UTS2B: variants seen among roughly 807,000 people sequenced by gnomAD.
UTS2B encodes urotensin 2B, also known as urotensin-2B.
Under a neutral mutation model 19.2 loss-of-function variants are expected in UTS2B, and 21 were observed. The observed-to-expected ratio is 1.09, with a 90% CI of 0.78 to 1.58. UTS2B has a LOEUF of 1.58. Ranked by LOEUF, UTS2B falls within the 40% of genes most tolerant of loss-of-function variation. The pLI is 0.00. For missense variants in UTS2B, 138 were observed against 130.3 expected (o/e 1.06, Z -0.29); for synonymous variants, 57 against 50.2 (o/e 1.14, Z -0.58).
intron 2 of UTS2B, among the ~76,000 whole-genome samples, chr3:191,320,340 C>T (rs73888550): frequency 0.19 from 28,967 of 152,094 alleles, 3,033 homozygotes; most frequent in Non-Finnish European, 0.23. Context: ...CAAGACTATG[C>T]GTGGCTTATT....
At chr3:191,325,673 C>T (rs542363767) in intron 2 of UTS2B, among the ~76,000 whole-genome samples, 1 of 152,294 alleles carries the variant, frequency 6.6e-6, no homozygotes, top group Non-Finnish European at 1.5e-5. Context: ...TCCTAATAGT[C>T]TCTACTATGG....
chr3:191,339,180 G>C, the UTS2B span, among the ~76,000 whole-genome samples: 15 of 152,284 alleles, frequency 9.9e-5, no homozygotes, highest in African/African-American at 3.6e-4. Flanking sequence ...TTGAAAAGAG[G>C]AGAGAGCATG....
At chr3:191,289,301 C>T (rs962611906) in intron 4 of UTS2B, among the ~76,000 whole-genome samples, 6 of 151,620 alleles carry the variant, frequency 4.0e-5, no homozygotes, top group African/African-American at 1.2e-4. Flanking sequence ...CCCAGGTGCT[C>T]GGGAGGCTGA....
the UTS2B span, among the ~76,000 whole-genome samples, chr3:191,337,480 G>A: frequency 2.6e-5 from 4 of 151,770 alleles, no homozygotes; most frequent in East Asian, 1.9e-4. Context: ...GAGTAGCTGG[G>A]ATTACAGTTG....
At chr3:191,281,502 T>C (rs1716383891) in intron 5 of UTS2B, among the ~76,000 whole-genome samples, 1 of 151,646 alleles carries the variant, frequency 6.6e-6, no homozygotes, top group African/African-American at 2.4e-5. Context: ...AATTTTATCA[T>C]GGTGTATATT....
At chr3:191,341,655 G>C in the UTS2B span, among the ~76,000 whole-genome samples, 1 of 151,996 alleles carries the variant, frequency 6.6e-6, no homozygotes, top group South Asian at 2.1e-4. Flanking sequence ...CCTTTGTTGG[G>C]AATAGAGAAC....
chr3:191,268,366 C>T lies in UTS2B; in HGVS notation c.*50G>A, dbSNP rs2108563317. 2.8e-6 allele frequency: 4 copies of T among 1,405,368 alleles called. No homozygotes were observed. Among genetic ancestry groups the T allele is most frequent in the Non-Finnish European group, 4.0e-6 (4 of 1,011,020 alleles). The allele number at this position is 1,405,368 out of a possible 1,614,324, so 87.1% of individuals were successfully genotyped here. On this transcript the variant is annotated 3_prime_UTR_variant, in exon 9 of 9. Coordinates refer to ENST00000340524, the MANE Select transcript of UTS2B (RefSeq NM_198152.5). Reference sequence around the variant, plus strand: ...CTGCCTACAGCAGAGTGAGTAGATACATATATTTTCCTGATATTCTTATCT... The same window carrying T: ...CTGCCTACAGCAGAGTGAGTAGATATATATATTTTCCTGATATTCTTATCT...
chr3:191,336,618 A>AT, the UTS2B span, among the ~76,000 whole-genome samples: 1 of 152,140 alleles, frequency 6.6e-6, no homozygotes, highest in African/African-American at 2.4e-5. Context: ...CCTTAGTTCA[A>AT]TATCAGAATG....
rs941864022 is a variant in UTS2B, at chr3:191,298,799, T to A, written c.-125+5693A>T. ...AAACTTGGCACTTCATAGAGACTTG[T>A]TGAATGGTAATAACCAAAATCTTGA... On this transcript the variant is annotated intron_variant, in intron 4 of 8. Coordinates refer to ENST00000340524, the MANE Select transcript of UTS2B (RefSeq NM_198152.5). 4.6e-5 allele frequency among the ~76,000 whole-genome samples: 7 copies of A among 152,264 alleles called. No homozygotes were observed. In the East Asian group the frequency reaches 5.8e-4, roughly 13 times the overall value.
At chr3:191,338,155 C>T in the UTS2B span, among the ~76,000 whole-genome samples, 3 of 152,182 alleles carry the variant, frequency 2.0e-5, no homozygotes, top group East Asian at 5.8e-4. Context: ...TCCCTCTTCA[C>T]CGCTTCCCCA....
At position 191,278,177 on chromosome 3, in the gene UTS2B, T is replaced by A. The variant is rs778131254; in HGVS notation, c.104-7A>T. The A allele has an allele frequency of 6.9e-7, 1 of 1,455,782 alleles. No individual in the cohort carries two copies. Among genetic ancestry groups the A allele is most frequent in the Non-Finnish European group, 9.3e-7 (1 of 1,077,676 alleles). 90.2% of individuals were successfully genotyped at this position (1,455,782 alleles called of 1,614,324 possible). A position where few individuals can be genotyped will look rare whatever the true frequency, so the allele number is the denominator to read the frequency against. Reference sequence around the variant, plus strand: ...TCTGGAAATATTTCATTTCCTATAATGATCAAAAACCACCATTTTCAATTT... The same window carrying A: ...TCTGGAAATATTTCATTTCCTATAAAGATCAAAAACCACCATTTTCAATTT... On this transcript the variant is annotated splice_polypyrimidine_tract_variant and splice_region_variant and intron_variant, in intron 5 of 8. Coordinates refer to ENST00000340524, the MANE Select transcript of UTS2B (RefSeq NM_198152.5).
chr3:191,328,832 T>C (rs116610331), intron 1 of UTS2B, 123 bp from the exon 2 acceptor site: 3,080 of 152,342 alleles, frequency 0.02, 36 homozygotes, highest in Non-Finnish European at 0.032. Flanking sequence ...GACACATTCA[T>C]GCGATTTTGA....
At chr3:191,275,116 A>AT (rs1169176338) in intron 8 of UTS2B, 136 bp downstream of exon 8, 1 of 589,090 alleles carries the variant, frequency 1.7e-6, no homozygotes, top group Non-Finnish European at 2.9e-6. Context: ...ATTGGAATAT[A>AT]TTTTTTTAAT....
chr3:191,291,500 T>G (rs1716715999), intron 4 of UTS2B, among the ~76,000 whole-genome samples: 1 of 152,048 alleles, frequency 6.6e-6, no homozygotes, highest in South Asian at 2.1e-4. Flanking sequence ...TCACCCAGGC[T>G]GGAGTGCAGT....
chr3:191,335,629 A>C, the UTS2B span, among the ~76,000 whole-genome samples: 4 of 152,170 alleles, frequency 2.6e-5, no homozygotes, highest in Admixed American at 2.6e-4. Flanking sequence ...GCATACACAC[A>C]TACATTAAGT....
At chr3:191,337,129 T>C in the UTS2B span, among the ~76,000 whole-genome samples, 2 of 152,086 alleles carry the variant, frequency 1.3e-5, no homozygotes, top group African/African-American at 2.4e-5. Context: ...GACCACGTGA[T>C]TGGCAAAGCT....
At chr3:191,286,215 C>T (rs1560135941) in intron 4 of UTS2B, among the ~76,000 whole-genome samples, 1 of 152,084 alleles carries the variant, frequency 6.6e-6, no homozygotes, top group Non-Finnish European at 1.5e-5. Context: ...CAACAATGAA[C>T]AGATTGTACA....
At position 191,267,892 on chromosome 3, in the gene UTS2B, G is replaced by A. The variant is rs935757495; in HGVS notation, c.*524C>T. ...ATGATTAGCAAGATATTAATCAGCA[G>A]TAACAATTGTAACAAAAGCTGGTTA... On this transcript the variant is annotated 3_prime_UTR_variant, in exon 9 of 9. Coordinates refer to ENST00000340524, the MANE Select transcript of UTS2B (RefSeq NM_198152.5). The A allele has an allele frequency of 6.6e-6, 1 of 152,158 alleles. No individual in the cohort carries two copies. The highest frequency in any genetic ancestry group is 2.4e-5 in the African/African-American group (1 of 41,426). The allele number at this position is 152,158 out of a possible 1,614,324, so 9.4% of individuals were successfully genotyped here. A position where few individuals can be genotyped will look rare whatever the true frequency, so the allele number is the denominator to read the frequency against.
At chr3:191,283,238 T>C (rs1716436482) in intron 4 of UTS2B, among the ~76,000 whole-genome samples, 1 of 152,206 alleles carries the variant, frequency 6.6e-6, no homozygotes, top group African/African-American at 2.4e-5. Context: ...TTTCACTATA[T>C]ATTTTTGTGT....
Sources: gnomAD v4.1 joint callset for allele counts (sites outside exome capture counted in the v4.1 genomes callset) on GRCh38, gnomAD v4.1.1 for gene constraint, MANE v1.5 for transcripts, NCBI Gene and HGNC (gene_info 2026-07-23, HGNC 2026-07-21) for gene names.